The following SRD5A3 variants were observed in gnomAD, a reference collection of about 807,000 sequenced individuals.
SRD5A3 encodes the protein steroid 5 alpha-reductase 3.
Under a neutral mutation model 34.3 loss-of-function variants are expected in SRD5A3, and 24 were observed. That is an observed-to-expected ratio of 0.70 (90% CI 0.51 to 0.99). The LOEUF is 0.99. Among genes scored for constraint, SRD5A3 ranks in the 50% least tolerant of loss-of-function variants. SRD5A3 has a pLI of 0.00. For missense variants in SRD5A3, 350 were observed against 388.2 expected, an observed-to-expected ratio of 0.90 and a Z score of 0.83; for synonymous variants, 161 against 167.3, an observed-to-expected ratio of 0.96 and a Z score of 0.29.
intron 1 of SRD5A3, among the ~76,000 whole-genome samples, chr4:55,347,367 G>A (rs1352984495): frequency 1.3e-5 from 2 of 152,184 alleles, no homozygotes; most frequent in Non-Finnish European, 2.9e-5. Context: ...AGTGGCTCAC[G>A]CCTGTAATCC....
intron 3 of SRD5A3, among the ~76,000 whole-genome samples, 175 bp from the exon 4 acceptor site, chr4:55,367,413 G>A (rs951912692): frequency 3.3e-5 from 5 of 152,174 alleles, no homozygotes; most frequent in African/African-American, 7.2e-5. Context: ...ATTACATCAG[G>A]AAATTACATC....
chr4:55,358,156 C>T (rs1004149654), intron 1 of SRD5A3, among the ~76,000 whole-genome samples: 27 of 151,982 alleles, frequency 1.8e-4, no homozygotes, highest in African/African-American at 5.6e-4. Context: ...GCCAGATGAC[C>T]GCCAGGCACT....
At chr4:55,360,271 C>T (rs1029008576) in intron 2 of SRD5A3, among the ~76,000 whole-genome samples, 4 of 150,802 alleles carry the variant, frequency 2.7e-5, no homozygotes, top group African/African-American at 9.8e-5. Flanking sequence ...CTTTGGGAGG[C>T]CAAGGCAGGC....
At chr4:55,358,555 A>AAAG (rs1553881763) in intron 1 of SRD5A3, among the ~76,000 whole-genome samples, 1,981 of 110,004 alleles carry the variant, frequency 0.018, 311 homozygotes, top group Middle Eastern at 0.039. Flanking sequence ...AAAAAAAAAA[A>AAAG]AAGAAGAAGA....
chr4:55,346,303 G>C lies in SRD5A3; in HGVS notation c.-34G>C, dbSNP rs758805127. On this transcript the variant is annotated 5_prime_UTR_variant, in exon 1 of 5. Transcript: ENST00000264228. ...CTTCCGCGGGCTAGCGGGCGGTGGG[G>C]GCGCCAGCAGCGCGGAAGGCGGGCA... is the stretch of plus-strand genomic sequence containing the variant. 11 of 1,377,640 alleles carry C rather than the reference G, an allele frequency of 8.0e-6. No individual in the cohort carries two copies. The South Asian group carries it at 1.9e-4, about 24-fold the overall frequency. 85.3% of individuals were successfully genotyped at this position (1,377,640 alleles called of 1,614,324 possible).
chr4:55,348,338 A>G (rs1418179330), intron 1 of SRD5A3, among the ~76,000 whole-genome samples: 2 of 151,978 alleles, frequency 1.3e-5, no homozygotes, highest in East Asian at 3.9e-4. Flanking sequence ...TTATTGTGAC[A>G]AAAAAAAGAT....
intron 3 of SRD5A3, chr4:55,364,695 A>G: frequency 9.1e-6 from 2 of 218,730 alleles, no homozygotes; most frequent in South Asian, 7.2e-5. Context: ...CAGCCTGGGC[A>G]ACAGAGCGAG....
At chr4:55,346,877 T>C (rs1052272750) in intron 1 of SRD5A3, among the ~76,000 whole-genome samples, 1 of 152,236 alleles carries the variant, frequency 6.6e-6, no homozygotes, top group Non-Finnish European at 1.5e-5. Context: ...AATTTAGGCC[T>C]GGTCATGCGA....
At chr4:55,365,252 A>C (rs75876517) in intron 3 of SRD5A3, among the ~76,000 whole-genome samples, 2 of 152,098 alleles carry the variant, frequency 1.3e-5, no homozygotes, top group Admixed American at 6.6e-5. Flanking sequence ...GATTTCCAAC[A>C]ATCTGTGAGT....
chr4:55,369,218 G>C (rs1483814855), intron 4 of SRD5A3, among the ~76,000 whole-genome samples: 2 of 152,198 alleles, frequency 1.3e-5, no homozygotes, highest in African/African-American at 2.4e-5. Flanking sequence ...TACACAGCTA[G>C]TAAGTGGGAG....
At position 55,346,341 on chromosome 4, in the gene SRD5A3, C is replaced by CTCCCTGGG; in HGVS notation, c.6_13dup (p.Ala5ValfsTer11). On this transcript the variant is annotated frameshift_variant, in exon 1 of 5. Transcript: ENST00000264228. LOFTEE classifies it high-confidence loss of function. ...CGGAAGGCGGGCACGCGGGCCATGG[C>CTCCCTGGG]TCCCTGGGCGGAGGCCGAGCACTCG... The CTCCCTGGG allele has an allele frequency of 6.7e-7, 1 of 1,495,632 alleles. No homozygotes were observed. The highest frequency in any genetic ancestry group is 8.9e-7 in the Non-Finnish European group (1 of 1,124,018). 92.6% of individuals were successfully genotyped at this position (1,495,632 alleles called of 1,614,324 possible).
At chr4:55,360,688 G>GTTT (rs367942216) in intron 2 of SRD5A3, among the ~76,000 whole-genome samples, 10 of 133,606 alleles carry the variant, frequency 7.5e-5, no homozygotes, top group Admixed American at 7.4e-5. Context: ...AATATGGAAC[G>GTTT]TTTTTTTTTT....
chr4:55,354,009 A>G (rs1434541924), intron 1 of SRD5A3, among the ~76,000 whole-genome samples: 1 of 152,210 alleles, frequency 6.6e-6, no homozygotes, highest in Non-Finnish European at 1.5e-5. Context: ...AGGGCCAGGG[A>G]TCTAGCCAGA....
intron 1 of SRD5A3, chr4:55,351,975 A>G: frequency 4.0e-6 from 3 of 755,648 alleles, no homozygotes; most frequent in South Asian, 2.7e-5. Flanking sequence ...TCTCTGTACT[A>G]AGAGTCATCT....
chr4:55,357,144 G>C (rs1719496742), intron 1 of SRD5A3, among the ~76,000 whole-genome samples: 1 of 152,040 alleles, frequency 6.6e-6, no homozygotes. Flanking sequence ...CCTCCCCTCT[G>C]CACCCTCTGT....
chr4:55,355,039 A>G (rs753975530), intron 1 of SRD5A3, among the ~76,000 whole-genome samples: 3 of 152,258 alleles, frequency 2.0e-5, no homozygotes, highest in Admixed American at 6.5e-5. Context: ...ACAAGTAAGC[A>G]AAGTGCCAAA....
rs369712923 is a variant in SRD5A3 at position 55,369,824 on chromosome 4, C to G, written c.698-8C>G. 1 of 1,613,974 alleles carries G rather than the reference C, an allele frequency of 6.2e-7. No individual in the cohort carries two copies. ...AAATGCTTATGAGATCTTCTTTTACCCTTTCAGGAGTGGTCATTCACTGTA... is the reference window on the plus strand; with the variant it reads ...AAATGCTTATGAGATCTTCTTTTACGCTTTCAGGAGTGGTCATTCACTGTA... On this transcript the variant is annotated splice_polypyrimidine_tract_variant and splice_region_variant and intron_variant, in intron 4 of 4. Coordinates refer to ENST00000264228, the MANE Select transcript of SRD5A3 (RefSeq NM_024592.5).
chr4:55,346,566 G>GC lies in SRD5A3; in HGVS notation c.221+13dup. On this transcript the variant is annotated intron_variant, in intron 1 of 4. Transcript: ENST00000264228. The stretch of plus-strand genomic sequence containing the variant: ...TTTGATGTCCCCAAGAGGTAACCGC[G>GC]CCCCGGTCCCGAGCCGCGGTGGTCA... 1 of 1,571,328 alleles carries GC rather than the reference G, an allele frequency of 6.4e-7. No homozygotes were observed. The highest frequency in any genetic ancestry group is 2.5e-5 in the East Asian group (1 of 39,954).
intron 1 of SRD5A3, among the ~76,000 whole-genome samples, chr4:55,354,341 G>A (rs967591176): frequency 6.6e-6 from 1 of 152,130 alleles, no homozygotes; most frequent in African/African-American, 2.4e-5. Context: ...CAGGTGATCT[G>A]CCCTCAGCCT....
Sources: gnomAD v4.1 joint callset for allele counts (sites outside exome capture counted in the v4.1 genomes callset) on GRCh38, gnomAD v4.1.1 for gene constraint, MANE v1.5 for transcripts, NCBI Gene and HGNC (gene_info 2026-07-23, HGNC 2026-07-21) for gene names.